Variants in ANKRD30B observed in about 807,000 individuals in gnomAD.
ANKRD30B encodes the protein ankyrin repeat domain-containing protein 30B.
In ANKRD30B, 144 loss-of-function variants were observed where a neutral mutation model predicts 202.2. That is an observed-to-expected ratio of 0.71 (90% CI 0.62 to 0.82). The LOEUF (loss-of-function observed/expected upper bound fraction) is 0.82. ANKRD30B is among the 40% of genes least tolerant of loss of function. The probability of loss-of-function intolerance (pLI) is 0.00; values close to 1 mark genes in which losing one functional copy is unlikely to be tolerated. For missense variants in ANKRD30B, 1,487 were observed against 1,669.1 expected, an observed-to-expected ratio of 0.89 and a Z score of 1.90; for synonymous variants, 508 against 561.3, an observed-to-expected ratio of 0.91 and a Z score of 1.34.
rs150898615 is a variant in ANKRD30B at position 14,798,932 on chromosome 18, C to T, written c.2030-169C>T. On this transcript the variant is annotated intron_variant, in intron 20 of 43. Transcript: ENST00000690538. ...GCAACAGTTTCAGGGGGTCTCCCTACAGTTGGCATGTTAACAAATACAATA... is the reference window on the plus strand; with the variant it reads ...GCAACAGTTTCAGGGGGTCTCCCTATAGTTGGCATGTTAACAAATACAATA... Among the ~76,000 whole-genome samples the T allele has an allele frequency of 4.6e-5, 7 of 152,238 alleles. No homozygotes were observed. The East Asian group carries it at 1.2e-3, about 25-fold the overall frequency.
intron 5 of ANKRD30B, among the ~76,000 whole-genome samples, chr18:14,758,318 G>A (rs1215104749): frequency 1.3e-5 from 2 of 152,128 alleles, no homozygotes; most frequent in African/African-American, 4.8e-5. Context: ...GGAATCTAAG[G>A]GGTTCCTTAA....
the ANKRD30B span, among the ~76,000 whole-genome samples, chr18:14,932,322 T>C: frequency 6.6e-6 from 1 of 151,684 alleles, no homozygotes; most frequent in Non-Finnish European, 1.5e-5. Context: ...TCCTCTCCCC[T>C]ATCTCTATCT....
chr18:14,907,025 TTAAGA>T, the ANKRD30B span, among the ~76,000 whole-genome samples: 4 of 152,156 alleles, frequency 2.6e-5, no homozygotes, highest in African/African-American at 4.8e-5. Flanking sequence ...AATGTCTCAG[TTAAGA>T]TAAGGAATTA....
chr18:14,935,156 G>T, the ANKRD30B span, among the ~76,000 whole-genome samples: 1 of 152,204 alleles, frequency 6.6e-6, no homozygotes, highest in Non-Finnish European at 1.5e-5. Flanking sequence ...GATTAGCACA[G>T]CCATTGTCAT....
rs543344958 is a variant in ANKRD30B, at chr18:14,837,544, A to G, written c.2927-71A>G. On this transcript the variant is annotated intron_variant, in intron 35 of 43. Coordinates refer to ENST00000690538, the MANE Select transcript of ANKRD30B (RefSeq NM_001367607.2). ...TTGAAATACTCATAAATGGAAATAG[A>G]TTTGTATATAGTTTTATGATTTACA... The G allele has an allele frequency of 1.2e-3, 1,416 of 1,201,684 alleles. 1 individual carries two copies. Among genetic ancestry groups the G allele is most frequent in the Admixed American group, 2.3e-3 (77 of 33,026 alleles). The allele number at this position is 1,201,684 out of a possible 1,614,324, so 74.4% of individuals were successfully genotyped here.
At chr18:14,868,138 C>T in the ANKRD30B span, among the ~76,000 whole-genome samples, 325 of 149,294 alleles carry the variant, frequency 2.2e-3, no homozygotes, top group East Asian at 0.021. Flanking sequence ...GTGACAGCAG[C>T]GCTGGTTCCT....
intron 15 of ANKRD30B, among the ~76,000 whole-genome samples, chr18:14,789,321 G>T (rs1289603505): frequency 2.0e-5 from 3 of 152,064 alleles, no homozygotes; most frequent in South Asian, 2.1e-4. Context: ...TTGCGAAAAT[G>T]TTCTCCCATT....
At chr18:14,927,583 TG>T in the ANKRD30B span, among the ~76,000 whole-genome samples, 2 of 152,228 alleles carry the variant, frequency 1.3e-5, no homozygotes, top group African/African-American at 4.8e-5. Flanking sequence ...AAATTGCAGA[TG>T]AAGCAAAGCC....
chr18:14,894,580 T>C, the ANKRD30B span, among the ~76,000 whole-genome samples: 1 of 152,212 alleles, frequency 6.6e-6, no homozygotes, highest in African/African-American at 2.4e-5. Flanking sequence ...AGTGGTTTGA[T>C]ATTTAGCCAA....
At chr18:14,789,872 A>G (rs937547074) in intron 15 of ANKRD30B, among the ~76,000 whole-genome samples, 1 of 152,094 alleles carries the variant, frequency 6.6e-6, no homozygotes, top group Non-Finnish European at 1.5e-5. Flanking sequence ...TTGGAGATGC[A>G]GGCTCTTTTT....
the ANKRD30B span, among the ~76,000 whole-genome samples, chr18:14,866,978 C>T: frequency 0.018 from 21 of 1,194 alleles, no homozygotes; most frequent in Non-Finnish European, 0.035. Flanking sequence ...GCAGGCAGTC[C>T]GGGGGTGCTT....
At chr18:14,778,110 C>T in intron 10 of ANKRD30B, 35 bp downstream of exon 10, 3 of 1,384,962 alleles carry the variant, frequency 2.2e-6, no homozygotes, top group African/African-American at 1.4e-5. Flanking sequence ...CATCTTTTGA[C>T]CAAATGTTTG....
At chr18:14,809,268 A>G (rs1457868988) in intron 26 of ANKRD30B, among the ~76,000 whole-genome samples, 1 of 151,022 alleles carries the variant, frequency 6.6e-6, no homozygotes, top group Non-Finnish European at 1.5e-5. Flanking sequence ...AAGAATTTAC[A>G]ATATAGTGTG....
intron 15 of ANKRD30B, among the ~76,000 whole-genome samples, chr18:14,787,916 G>A (rs1294121399): frequency 6.6e-6 from 1 of 152,146 alleles, no homozygotes; most frequent in East Asian, 1.9e-4. Flanking sequence ...ATACCTGTTT[G>A]CTTTCATTTA....
the ANKRD30B span, among the ~76,000 whole-genome samples, chr18:14,863,235 A>G: frequency 7.7e-6 from 1 of 130,362 alleles, no homozygotes; most frequent in African/African-American, 2.9e-5. Context: ...CTCTTGTTGA[A>G]TGTGATCTTA....
chr18:14,825,546 T>C (rs1239437715), intron 32 of ANKRD30B, among the ~76,000 whole-genome samples: 1 of 151,762 alleles, frequency 6.6e-6, no homozygotes, highest in Non-Finnish European at 1.5e-5. Flanking sequence ...CCCTAGATAT[T>C]TGCTCTATTG....
intron 32 of ANKRD30B, 79 bp from the exon 33 acceptor site, chr18:14,828,199 T>C (rs903562597): frequency 2.0e-5 from 22 of 1,081,934 alleles, no homozygotes; most frequent in Non-Finnish European, 3.0e-5. Context: ...TGTGCCATCG[T>C]GCCCTCTTAT....
At chr18:14,767,225 C>T (rs1393008559) in intron 7 of ANKRD30B, among the ~76,000 whole-genome samples, 7 of 152,132 alleles carry the variant, frequency 4.6e-5, no homozygotes, top group Non-Finnish European at 8.8e-5. Context: ...CTCACACAAA[C>T]ATAAACAAAC....
intron 37 of ANKRD30B, among the ~76,000 whole-genome samples, chr18:14,841,579 T>A (rs958213767): frequency 7.9e-5 from 12 of 152,240 alleles, no homozygotes; most frequent in African/African-American, 2.4e-4. Context: ...ACTACCCTAA[T>A]CAAAGAGAAA....
Sources: gnomAD v4.1 joint callset for allele counts (sites outside exome capture counted in the v4.1 genomes callset) on GRCh38, gnomAD v4.1.1 for gene constraint, MANE v1.5 for transcripts, NCBI Gene and HGNC (gene_info 2026-07-23, HGNC 2026-07-21) for gene names.